ADAM18: variants seen among roughly 807,000 people sequenced by gnomAD.
The protein encoded by ADAM18 is disintegrin and metalloproteinase domain-containing protein 18.
Under a neutral mutation model 94.4 loss-of-function variants are expected in ADAM18, and 117 were observed. The ratio of observed to expected loss-of-function variants is 1.24; its 90% CI spans 1.07 to 1.45. The LOEUF is 1.45. ADAM18 is among the 40% of genes most tolerant of loss of function. The pLI, the probability that ADAM18 is intolerant of heterozygous loss-of-function variation, is 0.00. For missense variants in ADAM18, 936 were observed against 880.0 expected (o/e 1.06, Z -0.81); for synonymous variants, 327 against 291.6 (o/e 1.12, Z -1.24).
At position 39,721,664 on chromosome 8, in the gene ADAM18, T is replaced by A. The variant is rs1271789237; in HGVS notation, c.2018-2084T>A. ...GGCCAAAAAACATATGAAGAAATGA[T>A]CAGCATCACTAATCATCAGAGAAAT... is the stretch of plus-strand genomic sequence containing the variant. On this transcript the variant is annotated intron_variant, in intron 18 of 19. Transcript: ENST00000265707. Among the ~76,000 whole-genome samples the A allele has an allele frequency of 2.0e-5, 3 of 151,466 alleles. No homozygotes were observed. In the East Asian group the frequency reaches 5.8e-4, roughly 29 times the overall value.
chr8:39,650,246 T>C lies in ADAM18; in HGVS notation c.1230+1719T>C, dbSNP rs141716028. Among the ~76,000 whole-genome samples the C allele has an allele frequency of 1.1e-4, 16 of 152,292 alleles. No homozygotes were observed. The East Asian group carries it at 3.1e-3, about 29-fold the overall frequency. On this transcript the variant is annotated intron_variant, in intron 12 of 19. Coordinates refer to ENST00000265707, the MANE Select transcript of ADAM18 (RefSeq NM_014237.3). ...ATTCAGTCACTTTGAAAACCAATTG[T>C]AGGCTTTTTGTAAAATAAATAAAGT...
intron 17 of ADAM18, among the ~76,000 whole-genome samples, chr8:39,700,912 A>G (rs1200406279): frequency 6.6e-6 from 1 of 151,546 alleles, no homozygotes; most frequent in African/African-American, 2.4e-5. Flanking sequence ...CAGGAGATCG[A>G]GACCATCCTG....
intron 17 of ADAM18, among the ~76,000 whole-genome samples, chr8:39,700,144 G>A (rs1218375888): frequency 6.6e-6 from 1 of 152,082 alleles, no homozygotes; most frequent in Non-Finnish European, 1.5e-5. Context: ...AGAAATTAAA[G>A]TTATGGCATT....
chr8:39,696,634 C>T (rs765549918), intron 17 of ADAM18, among the ~76,000 whole-genome samples: 1 of 151,278 alleles, frequency 6.6e-6, no homozygotes, highest in Non-Finnish European at 1.5e-5. Flanking sequence ...TGTCATTTAC[C>T]CATTGAATGG....
At chr8:39,725,871 A>AAGTGAC (rs1485148901) in intron 19 of ADAM18, among the ~76,000 whole-genome samples, 1 of 152,198 alleles carries the variant, frequency 6.6e-6, no homozygotes, top group African/African-American at 2.4e-5. Flanking sequence ...TCATACCCAG[A>AAGTGAC]AGTGAGGTTG....
chr8:39,605,381 T>C (rs1299286029), intron 2 of ADAM18, among the ~76,000 whole-genome samples: 2 of 152,172 alleles, frequency 1.3e-5, no homozygotes, highest in African/African-American at 4.8e-5. Flanking sequence ...TTTGTGATAG[T>C]TTATAACTCT....
chr8:39,728,218 A>C (rs1822975662), intron 19 of ADAM18, among the ~76,000 whole-genome samples: 1 of 152,154 alleles, frequency 6.6e-6, no homozygotes, highest in South Asian at 2.1e-4. Context: ...TGGGGATTAT[A>C]ATCCAGCATG....
Position 39,584,658 on chromosome 8 carries a change from A to T in ADAM18, c.36A>T (p.Gly12=). 1 of 1,613,352 alleles carries T rather than the reference A, an allele frequency of 6.2e-7. No individual in the cohort carries two copies. The highest frequency in any genetic ancestry group is 8.5e-7 in the Non-Finnish European group (1 of 1,180,012). ...TCCTCGCCCTCCTCACTGAGCTTGG[A>T]AGACTGCAAGCCCACGAAGGTAAGT... ...FLLLALLTEL[G]RLQAHEGSEG... is the part of the protein sequence containing the mutation. The change falls in exon 1 of 20, where the codon GGA becomes GGT. Residue 12 remains glycine (G), a synonymous_variant. Transcript: ENST00000265707.
At chr8:39,705,650 C>T (rs763903656) in intron 17 of ADAM18, among the ~76,000 whole-genome samples, 2 of 152,102 alleles carry the variant, frequency 1.3e-5, no homozygotes, top group Non-Finnish European at 2.9e-5. Context: ...AAATAGAATA[C>T]TACTTCATGG....
chr8:39,670,948 G>T (rs903876891), intron 14 of ADAM18, among the ~76,000 whole-genome samples: 1 of 152,212 alleles, frequency 6.6e-6, no homozygotes, highest in African/African-American at 2.4e-5. Flanking sequence ...ACACACACTG[G>T]CAGGTTATTT....
At chr8:39,666,758 C>G (rs999684476) in intron 13 of ADAM18, among the ~76,000 whole-genome samples, 1 of 152,052 alleles carries the variant, frequency 6.6e-6, no homozygotes, top group African/African-American at 2.4e-5. Context: ...AAGACCTGCC[C>G]CCTGATTGAA....
intron 12 of ADAM18, among the ~76,000 whole-genome samples, chr8:39,660,081 C>T (rs1245795777): frequency 9.9e-5 from 15 of 151,934 alleles, no homozygotes; most frequent in Non-Finnish European, 4.4e-5. Flanking sequence ...ATGATAACCA[C>T]AACGCAAAAA....
chr8:39,682,636 TC>T (rs200198090), intron 16 of ADAM18, among the ~76,000 whole-genome samples: 3 of 151,912 alleles, frequency 2.0e-5, no homozygotes, highest in East Asian at 1.9e-4. Context: ...TTAGTTCTAA[TC>T]CCCCCCCACA....
intron 3 of ADAM18, among the ~76,000 whole-genome samples, chr8:39,606,718 G>A (rs538092298): frequency 6.6e-6 from 1 of 152,218 alleles, no homozygotes; most frequent in South Asian, 2.1e-4. Context: ...CCACCAAACA[G>A]GCTTTGTGTG....
In ADAM18 at chr8:39,609,504, G is replaced by A. The variant is rs1819200001; in HGVS notation, c.287G>A (p.Gly96Glu). The A allele has an allele frequency of 6.2e-7, 1 of 1,611,194 alleles. No homozygotes were observed. The highest frequency in any genetic ancestry group is 8.5e-7 in the Non-Finnish European group (1 of 1,178,264). ...TTTCAGATGCATTGCCATTACCAAG[G>A]ATATGCTGCCGAATTTCCAAATTCA... is the stretch of plus-strand genomic sequence containing the variant. Reference protein sequence around the residue: ...PYFMMHCHYQGYAAEFPNSFV... With the variant: ...PYFMMHCHYQEYAAEFPNSFV... The change falls in exon 5 of 20, where the codon GGA becomes GAA. Residue 96 changes from glycine to glutamate, a missense_variant. Physicochemically the swap from Gly to Glu is moderately conservative, Grantham distance 98 (BLOSUM62 -2). Coordinates refer to ENST00000265707, the MANE Select transcript of ADAM18 (RefSeq NM_014237.3).
At chr8:39,646,426 AT>A (rs1820379156) in intron 11 of ADAM18, among the ~76,000 whole-genome samples, 1 of 152,222 alleles carries the variant, frequency 6.6e-6, no homozygotes, top group African/African-American at 2.4e-5. Context: ...GTGGTAATAT[AT>A]TTTAATGATA....
chr8:39,702,842 T>C (rs992606682), intron 17 of ADAM18, among the ~76,000 whole-genome samples: 1 of 152,174 alleles, frequency 6.6e-6, no homozygotes, highest in Admixed American at 6.5e-5. Flanking sequence ...TAGGTCTATG[T>C]GTTCTGTCCT....
At chr8:39,685,450 T>C (rs923819678) in intron 16 of ADAM18, 5 of 152,278 alleles carry the variant, frequency 3.3e-5, no homozygotes, top group Admixed American at 6.5e-5. Flanking sequence ...GAGGCTCCTC[T>C]TTTGACATAG....
In ADAM18 at chr8:39,634,777, G is replaced by T. The variant is rs146058012; in HGVS notation, c.589-2487G>T. ...TGCCCCAGAATAAATCTTGCCTTGA[G>T]TCTTACTCATATAATGTTTAGGTGA... On this transcript the variant is annotated intron_variant, in intron 7 of 19. Coordinates refer to ENST00000265707, the MANE Select transcript of ADAM18 (RefSeq NM_014237.3). 1.3e-3 allele frequency among the ~76,000 whole-genome samples: 202 copies of T among 152,250 alleles called. 1 individual carries two copies. The highest frequency in any genetic ancestry group is 4.6e-3 in the African/African-American group (193 of 41,554).
Sources: gnomAD v4.1 joint callset for allele counts (sites outside exome capture counted in the v4.1 genomes callset) on GRCh38, gnomAD v4.1.1 for gene constraint, MANE v1.5 for transcripts, NCBI Gene and HGNC (gene_info 2026-07-23, HGNC 2026-07-21) for gene names.